HENMT1: variants seen among roughly 807,000 people sequenced by gnomAD.
The protein encoded by HENMT1 is small RNA 2'-O-methyltransferase.
HENMT1 carries 27 observed loss-of-function variants against 31.1 expected under a neutral mutation model. The observed-to-expected ratio is 0.87, with a 90% confidence interval of 0.64 to 1.20. The LOEUF (loss-of-function observed/expected upper bound fraction) is 1.20, where lower values mean the gene tolerates loss of function less well. HENMT1 is among the 50% of genes most tolerant of loss of function. The pLI is 0.00. For synonymous variants in HENMT1, 167 were observed against 172.2 expected, an observed-to-expected ratio of 0.97 and a Z score of 0.24; for missense variants, 438 against 469.6, an observed-to-expected ratio of 0.93 and a Z score of 0.62.
At chr1:108,650,037 G>T (rs1158444487) in intron 7 of HENMT1, 174 bp downstream of exon 7, 10 of 705,022 alleles carry the variant, frequency 1.4e-5, no homozygotes, top group Non-Finnish European at 2.3e-5. Context: ...AGTCTCAAAG[G>T]ACACCGTAGG....
intron 5 of HENMT1, among the ~76,000 whole-genome samples, chr1:108,651,797 C>T (rs1658066090): frequency 1.3e-5 from 2 of 152,026 alleles, no homozygotes; most frequent in South Asian, 2.1e-4. Context: ...CATATATTCT[C>T]ATCCTTTCCT....
chr1:108,655,884 C>T (rs1015014973), intron 3 of HENMT1, among the ~76,000 whole-genome samples, 186 bp from the exon 4 acceptor site: 1 of 150,942 alleles, frequency 6.6e-6, no homozygotes, highest in East Asian at 2.0e-4. Context: ...CACACACACA[C>T]ACACACACTA....
intron 3 of HENMT1, 78 bp downstream of exon 3, chr1:108,657,373 T>C: frequency 9.7e-7 from 1 of 1,033,392 alleles, no homozygotes; most frequent in African/African-American, 1.6e-5. Context: ...CTCTCCATAC[T>C]AATCCATTTG....
upstream of HENMT1, chr1:108,661,228 G>C (rs1380077508): frequency 6.6e-6 from 1 of 152,568 alleles, no homozygotes; most frequent in African/African-American, 2.4e-5. Context: ...GAGCCTCATG[G>C]TGCGCCGAGC....
intron 1 of HENMT1, among the ~76,000 whole-genome samples, 159 bp from the exon 2 acceptor site, chr1:108,660,121 CAAAAA>C (rs34387673): frequency 2.4e-5 from 3 of 125,974 alleles, no homozygotes; most frequent in Non-Finnish European, 4.9e-5. Flanking sequence ...TCTGAGTACT[CAAAAA>C]AAAAAAAAAA....
In HENMT1 at chr1:108,658,362, T is replaced by C. The variant is rs1570639482; in HGVS notation, c.22-783A>G. ...GTTGGCCAGGCTCTTCTTGAACTCC[T>C]GACCTCGTGATCCACCCGCCTTGGC... On this transcript the variant is annotated intron_variant, in intron 2 of 7. Transcript: ENST00000651461. Among the ~76,000 whole-genome samples the C allele has an allele frequency of 2.6e-5, 4 of 152,274 alleles. No homozygotes were observed. In the South Asian group the frequency reaches 8.3e-4, roughly 32 times the overall value.
chr1:108,659,982 G>GT lies in HENMT1; in HGVS notation c.-78-21dup. ...ACTCAGCTGTAATAAATACAAAACC[G>GT]TTTTTGTAAAGCGATACCTGAAAGA... is the stretch of plus-strand genomic sequence containing the variant. On this transcript the variant is annotated intron_variant, in intron 1 of 7. Coordinates refer to ENST00000651461, the MANE Select transcript of HENMT1 (RefSeq NM_001102592.2). The GT allele has an allele frequency of 7.2e-7, 1 of 1,394,416 alleles. No individual in the cohort carries two copies. The highest frequency in any genetic ancestry group is 9.5e-7 in the Non-Finnish European group (1 of 1,053,384). 86.4% of individuals were successfully genotyped at this position (1,394,416 alleles called of 1,614,324 possible). A position where few individuals can be genotyped will look rare whatever the true frequency, so the allele number is the denominator to read the frequency against.
intron 3 of HENMT1, 76 bp from the exon 4 acceptor site, chr1:108,655,774 G>A (rs1409005036): frequency 3.9e-5 from 28 of 724,018 alleles, no homozygotes; most frequent in Non-Finnish European, 5.9e-5. Flanking sequence ...TTTTTGAGGA[G>A]GAGAGAGTGG....
intron 3 of HENMT1, 64 bp from the exon 4 acceptor site, chr1:108,655,762 T>C (rs546061993): frequency 9.6e-7 from 1 of 1,039,990 alleles, no homozygotes; most frequent in South Asian, 1.4e-5. Flanking sequence ...ATCAAAAACT[T>C]TTTTTTGAGG....
rs139124191 is a variant in HENMT1 at position 108,657,992 on chromosome 1, TACAC to T, written c.22-417_22-414del. Among the ~76,000 whole-genome samples the T allele has an allele frequency of 3.5e-3, 518 of 145,942 alleles. 3 individuals are homozygous for T. Among genetic ancestry groups the T allele is most frequent in the South Asian group, 0.024 (111 of 4,720 alleles). ...ATATATATACACACACACATATATA[TACAC>T]ACACACACACACATATATGTACACA... On this transcript the variant is annotated intron_variant, in intron 2 of 7. Transcript: ENST00000651461.
At chr1:108,656,585 G>A (rs566394296) in intron 3 of HENMT1, among the ~76,000 whole-genome samples, 1 of 152,072 alleles carries the variant, frequency 6.6e-6, no homozygotes, top group South Asian at 2.1e-4. Context: ...GGGCTCAAGG[G>A]ATCCTCCCAC....
intron 2 of HENMT1, 81 bp downstream of exon 2, chr1:108,659,783 A>G: frequency 1.1e-6 from 1 of 909,486 alleles, no homozygotes; most frequent in Non-Finnish European, 1.8e-6. Context: ...AATGTGATCA[A>G]TTTTGTTTGC....
chr1:108,658,046 T>C (rs900312626), intron 2 of HENMT1, among the ~76,000 whole-genome samples: 20 of 140,452 alleles, frequency 1.4e-4, no homozygotes, highest in East Asian at 8.2e-4. Context: ...CACATATATA[T>C]ACACACACAC....
chr1:108,657,501 G>A lies in HENMT1; in HGVS notation c.100C>T (p.Gln34Ter), dbSNP rs777379870. The A allele has an allele frequency of 6.2e-7, 1 of 1,610,246 alleles. No homozygotes were observed. The highest frequency in any genetic ancestry group is 1.1e-5 in the South Asian group (1 of 90,960). The change falls in exon 3 of 8, where the codon CAG becomes TAG. Residue 34 changes from glutamine (Q) to a stop codon, truncating the protein, a stop_gained. Coordinates refer to ENST00000651461, the MANE Select transcript of HENMT1 (RefSeq NM_001102592.2). LOFTEE classifies it high-confidence loss of function. ...AIQFKPPLYR[Q>*]RYQFVKNLVD... Reference sequence around the variant, plus strand: ...AAATTTTTAACGAACTGGTACCGCTGTCTGTATAGTGGAGGTTTAAACTGA... The same window carrying A: ...AAATTTTTAACGAACTGGTACCGCTATCTGTATAGTGGAGGTTTAAACTGA...
chr1:108,659,976 A>C lies in HENMT1; in HGVS notation c.-78-14T>G. 6.9e-7 allele frequency: 1 copy of C among 1,440,394 alleles called. No homozygotes were observed. Among genetic ancestry groups the C allele is most frequent in the South Asian group, 1.4e-5 (1 of 70,972 alleles). 89.2% of individuals were successfully genotyped at this position (1,440,394 alleles called of 1,614,324 possible). The stretch of plus-strand genomic sequence containing the variant: ...GCACTGACTCAGCTGTAATAAATAC[A>C]AAACCGTTTTTGTAAAGCGATACCT... On this transcript the variant is annotated splice_polypyrimidine_tract_variant and intron_variant, in intron 1 of 7. Transcript: ENST00000651461.
chr1:108,657,855 A>G (rs1047660644), intron 2 of HENMT1, among the ~76,000 whole-genome samples: 2 of 152,070 alleles, frequency 1.3e-5, no homozygotes, highest in Non-Finnish European at 2.9e-5. Flanking sequence ...AATGTATTCA[A>G]TGAAAACAAT....
chr1:108,649,965 T>G (rs1286778858), intron 7 of HENMT1: 2 of 583,852 alleles, frequency 3.4e-6, no homozygotes, highest in African/African-American at 1.8e-5. Context: ...CTTTGAAGTA[T>G]TCTAAGACAA....
chr1:108,651,936 GA>G (rs1289668269), intron 5 of HENMT1, among the ~76,000 whole-genome samples: 2 of 152,054 alleles, frequency 1.3e-5, no homozygotes, highest in African/African-American at 4.8e-5. Context: ...ATGCATCAAG[GA>G]GGACAAAATC....
intron 2 of HENMT1, among the ~76,000 whole-genome samples, chr1:108,658,277 A>G (rs1658328375): frequency 2.0e-5 from 3 of 151,850 alleles, no homozygotes. Context: ...GGATTACATT[A>G]CAGGCATGCG....
Sources: allele counts gnomAD v4.1 joint callset (sites outside exome capture counted in the v4.1 genomes callset), GRCh38; gene constraint gnomAD v4.1.1; transcripts MANE v1.5; gene names NCBI Gene and HGNC (gene_info 2026-07-23, HGNC 2026-07-21).